The following CLEC16A variants were observed in gnomAD, a reference collection of about 807,000 sequenced individuals.
CLEC16A encodes the protein C-type lectin domain containing 16A, also known as protein CLEC16A.
CLEC16A carries 51 observed loss-of-function variants against 109.5 expected under a neutral mutation model. The ratio of observed to expected loss-of-function variants is 0.47; its 90% CI spans 0.37 to 0.59. The LOEUF is 0.59. Ranked by LOEUF, CLEC16A falls within the 20% of genes least tolerant of loss-of-function variation. CLEC16A has a pLI of 0.00. For synonymous variants in CLEC16A, 673 were observed against 564.2 expected, an observed-to-expected ratio of 1.19 and a Z score of -2.73; for missense variants, 1,339 against 1,394.0, an observed-to-expected ratio of 0.96 and a Z score of 0.63.
At chr16:11,133,594 A>C (rs74631949) in intron 22 of CLEC16A, among the ~76,000 whole-genome samples, 1 of 152,316 alleles carries the variant, frequency 6.6e-6, no homozygotes, top group Non-Finnish European at 1.5e-5. Context: ...ACCGCCATCC[A>C]AAAAGGCAAA....
intron 12 of CLEC16A, among the ~76,000 whole-genome samples, chr16:11,021,607 A>G (rs185839236): frequency 6.6e-6 from 1 of 152,322 alleles, no homozygotes; most frequent in East Asian, 1.9e-4. Context: ...TGACTGGCCT[A>G]GTCACATAGT....
chr16:10,995,392 C>T (rs1429774500), intron 10 of CLEC16A, among the ~76,000 whole-genome samples: 3 of 152,166 alleles, frequency 2.0e-5, no homozygotes, highest in African/African-American at 4.8e-5. Context: ...CGCCTGAGGC[C>T]GGAGATGGGG....
intron 13 of CLEC16A, among the ~76,000 whole-genome samples, chr16:11,031,348 A>G (rs1305401142): frequency 1.3e-5 from 2 of 152,180 alleles, no homozygotes; most frequent in Non-Finnish European, 2.9e-5. Flanking sequence ...GGTGTTCTCC[A>G]TGGGCTTCCT....
intron 22 of CLEC16A, chr16:11,126,680 A>C (rs2052845736): frequency 5.5e-6 from 1 of 182,804 alleles, no homozygotes; most frequent in Non-Finnish European, 1.1e-5. Flanking sequence ...TTGAATGGAA[A>C]GTCCATTGCT....
intron 16 of CLEC16A, among the ~76,000 whole-genome samples, chr16:11,044,571 C>T (rs2047532912): frequency 6.6e-6 from 1 of 152,110 alleles, no homozygotes; most frequent in Non-Finnish European, 1.5e-5. Flanking sequence ...TGTAAAGTGC[C>T]ACCATGACTT....
At chr16:11,134,268 G>C (rs779551807) in intron 22 of CLEC16A, among the ~76,000 whole-genome samples, 1 of 151,078 alleles carries the variant, frequency 6.6e-6, no homozygotes, top group Non-Finnish European at 1.5e-5. Flanking sequence ...TACGTTGTCG[G>C]CTCCAACTCT....
intron 22 of CLEC16A, chr16:11,136,348 C>CA (rs1251782034): frequency 1.3e-5 from 2 of 152,206 alleles, no homozygotes; most frequent in Non-Finnish European, 2.9e-5. Flanking sequence ...AAATGGGATA[C>CA]AAGTGTCACC....
intron 12 of CLEC16A, among the ~76,000 whole-genome samples, chr16:11,022,510 C>T (rs940174672): frequency 1.3e-5 from 2 of 151,918 alleles, no homozygotes; most frequent in African/African-American, 4.8e-5. Context: ...TGGATCTTGG[C>T]GTTGGTCCAC....
intron 19 of CLEC16A, among the ~76,000 whole-genome samples, chr16:11,120,191 G>A (rs1017751741): frequency 1.3e-5 from 2 of 152,118 alleles, no homozygotes; most frequent in African/African-American, 2.4e-5. Context: ...GTCTGGTCTC[G>A]AACTCTTCAC....
chr16:11,018,800 GA>G, intron 11 of CLEC16A, among the ~76,000 whole-genome samples: 2 of 149,634 alleles, frequency 1.3e-5, no homozygotes, highest in Non-Finnish European at 3.0e-5. Context: ...GAGATAGTGA[GA>G]AGCCCAGCAC....
At chr16:11,118,682 T>C (rs6498161) in intron 19 of CLEC16A, among the ~76,000 whole-genome samples, 106,787 of 152,170 alleles carry the variant, frequency 0.7, 38,853 homozygotes, top group African/African-American at 0.89. Flanking sequence ...TTGCCTGTGC[T>C]TTTGAGGTCT....
At chr16:11,148,701 GCCAGTGC>G (rs2054169140) in intron 22 of CLEC16A, among the ~76,000 whole-genome samples, 2 of 152,130 alleles carry the variant, frequency 1.3e-5, no homozygotes, top group African/African-American at 4.8e-5. Flanking sequence ...AGACTCCCAG[GCCAGTGC>G]TCCATCCCCT....
chr16:10,990,366 G>A (rs1221726908), intron 10 of CLEC16A, among the ~76,000 whole-genome samples: 2 of 152,218 alleles, frequency 1.3e-5, no homozygotes, highest in African/African-American at 4.8e-5. Flanking sequence ...ACTAAGGAGC[G>A]TATCGTTGTC....
chr16:11,026,439 G>A (rs1471709040), intron 13 of CLEC16A, among the ~76,000 whole-genome samples: 1 of 152,080 alleles, frequency 6.6e-6, no homozygotes, highest in Non-Finnish European at 1.5e-5. Flanking sequence ...AAATTTATTG[G>A]CATAAACTTT....
intron 23 of CLEC16A, among the ~76,000 whole-genome samples, chr16:11,173,750 G>C (rs967308460): frequency 6.6e-6 from 1 of 152,074 alleles, no homozygotes; most frequent in Non-Finnish European, 1.5e-5. Context: ...CCGGGTTTTC[G>C]TGTCCTGACT....
chr16:11,130,023 A>G (rs1247301684), intron 22 of CLEC16A, among the ~76,000 whole-genome samples: 3 of 151,934 alleles, frequency 2.0e-5, no homozygotes, highest in Non-Finnish European at 4.4e-5. Context: ...CGGCCTCCCA[A>G]AGTGCTGGGA....
intron 19 of CLEC16A, among the ~76,000 whole-genome samples, chr16:11,103,231 G>T (rs575612767): frequency 3.7e-4 from 56 of 152,318 alleles, no homozygotes; most frequent in Admixed American, 6.5e-4. Context: ...GCCCAGTGGC[G>T]CTGCTCTCCA....
At chr16:11,083,617 C>T (rs1211093214) in intron 19 of CLEC16A, among the ~76,000 whole-genome samples, 1 of 152,206 alleles carries the variant, frequency 6.6e-6, no homozygotes, top group Non-Finnish European at 1.5e-5. Context: ...TAGCATCACC[C>T]AACCATTTTT....
rs1362549751 is a variant in CLEC16A at position 10,954,568 on chromosome 16, C to T, written c.81-3214C>T. On this transcript the variant is annotated intron_variant, in intron 1 of 23. Coordinates refer to ENST00000409790, the MANE Select transcript of CLEC16A (RefSeq NM_015226.3). The surrounding 1 kb of genome is among the most constrained non-coding windows in gnomAD (Gnocchi z 4.2). ...AGTATTCAGGTACCATTGCTGTTTA[C>T]ATTTTACTGGTGAGACAACTGAGGT... Among the ~76,000 whole-genome samples the T allele has an allele frequency of 1.3e-5, 2 of 152,202 alleles. No individual in the cohort carries two copies.
Sources: allele counts gnomAD v4.1 joint callset (sites outside exome capture counted in the v4.1 genomes callset), GRCh38; gene constraint gnomAD v4.1.1; non-coding constraint Gnocchi (gnomAD v3.1); transcripts MANE v1.5; gene names NCBI Gene and HGNC (gene_info 2026-07-23, HGNC 2026-07-21).